The following PLCG2 variants were observed in gnomAD, a reference collection of about 807,000 sequenced individuals.
PLCG2 encodes 1-phosphatidylinositol 4,5-bisphosphate phosphodiesterase gamma-2.
In PLCG2, 69 loss-of-function variants were observed where a neutral mutation model predicts 175.6. The ratio of observed to expected loss-of-function variants is 0.39; its 90% CI spans 0.32 to 0.48. The LOEUF (loss-of-function observed/expected upper bound fraction) is 0.48, where lower values mean the gene tolerates loss of function less well. PLCG2 is among the 20% of genes least tolerant of loss of function. The probability of loss-of-function intolerance (pLI) is 0.91; values close to 1 mark genes in which losing one functional copy is unlikely to be tolerated. For synonymous variants in PLCG2, 827 were observed against 624.0 expected (o/e 1.33, Z -4.85); for missense variants, 1,798 against 1,650.9 (o/e 1.09, Z -1.54).
At chr16:81,875,588 C>G (rs538392988) in intron 7 of PLCG2, among the ~76,000 whole-genome samples, 1 of 152,310 alleles carries the variant, frequency 6.6e-6, no homozygotes, top group East Asian at 1.9e-4. Context: ...TGCCCTCACC[C>G]AAGTCCCTTT....
At chr16:81,749,809 A>G (rs1208407224) in intron 1 of PLCG2, among the ~76,000 whole-genome samples, 1 of 152,218 alleles carries the variant, frequency 6.6e-6, no homozygotes, top group Admixed American at 6.5e-5. Flanking sequence ...TACTCACCCC[A>G]CTGTTCAAGG....
At chr16:81,786,713 C>T (rs1007775638) in intron 2 of PLCG2, among the ~76,000 whole-genome samples, 1 of 152,214 alleles carries the variant, frequency 6.6e-6, no homozygotes, top group African/African-American at 2.4e-5. Flanking sequence ...TCCCCTACCT[C>T]CGTTTGATTG....
chr16:81,895,557 C>CT lies in PLCG2; in HGVS notation c.1073-248dup, dbSNP rs1371543078. ...CCTGGGCAACAGAGCGAGACTCTGTCTTAAAAAAAAAAAAAATGAAAAAAA... is the reference window on the plus strand; with the variant it reads ...CCTGGGCAACAGAGCGAGACTCTGTCTTTAAAAAAAAAAAAAATGAAAAAAA... On this transcript the variant is annotated intron_variant, in intron 12 of 32. Coordinates refer to ENST00000564138, the MANE Select transcript of PLCG2 (RefSeq NM_002661.5). 1.6e-4 allele frequency: 66 copies of CT among 423,268 alleles called. No individual in the cohort carries two copies. In the South Asian group the frequency reaches 2.0e-3, roughly 13 times the overall value. 26.2% of individuals were successfully genotyped at this position (423,268 alleles called of 1,614,324 possible). A position where few individuals can be genotyped will look rare whatever the true frequency, so the allele number is the denominator to read the frequency against.
chr16:81,925,915 TATC>T (rs1165527090), intron 22 of PLCG2, among the ~76,000 whole-genome samples: 1 of 148,132 alleles, frequency 6.8e-6, no homozygotes, highest in Admixed American at 6.7e-5. Context: ...TCCAGAAGGA[TATC>T]ATATAGAGGG....
rs185169536 is a variant in PLCG2 at position 81,802,261 on chromosome 16, C to T, written c.193+16079C>T. Among the ~76,000 whole-genome samples, 1,115 of 151,298 alleles carry T rather than the reference C, an allele frequency of 7.4e-3. 9 individuals are homozygous for T. Among genetic ancestry groups the T allele is most frequent in the Non-Finnish European group, 9.9e-3 (672 of 67,802 alleles). ...CACAGTAGTTGGGATTACAGGCGCC[C>T]GCCACCGCGCCCAGCTAATTTTTTG... On this transcript the variant is annotated intron_variant, in intron 2 of 32. Coordinates refer to ENST00000564138, the MANE Select transcript of PLCG2 (RefSeq NM_002661.5).
At chr16:81,956,600 T>C in intron 31 of PLCG2, 95 bp from the exon 32 acceptor site, 6 of 1,106,294 alleles carry the variant, frequency 5.4e-6, no homozygotes, top group Non-Finnish European at 7.8e-6. Flanking sequence ...TTCTGCCCCA[T>C]GCTCCCTTTG....
rs1911693194 is a variant in PLCG2, at chr16:81,959,272, G to A, written c.*1274G>A. Reference sequence around the variant, plus strand: ...TTGATGTGGATGGAACTGGCCCCTAGAAACCCATCTGACCCTCCTCTTGTT... The same window carrying A: ...TTGATGTGGATGGAACTGGCCCCTAAAAACCCATCTGACCCTCCTCTTGTT... On this transcript the variant is annotated 3_prime_UTR_variant, in exon 33 of 33. Transcript: ENST00000564138. The A allele has an allele frequency of 3.6e-5, 8 of 223,736 alleles. No homozygotes were observed. The East Asian group carries it at 4.5e-4, about 13-fold the overall frequency. The allele number at this position is 223,736 out of a possible 1,614,324, so 13.9% of individuals were successfully genotyped here.
At chr16:81,768,817 T>G (rs1910211283) in intron 2 of PLCG2, among the ~76,000 whole-genome samples, 1 of 152,140 alleles carries the variant, frequency 6.6e-6, no homozygotes, top group African/African-American at 2.4e-5. Context: ...TTCATGCACC[T>G]CGGCCTCCCA....
chr16:81,777,831 C>T (rs564089959), upstream of PLCG2, among the ~76,000 whole-genome samples: 1 of 151,688 alleles, frequency 6.6e-6, no homozygotes, highest in South Asian at 2.1e-4. Context: ...ATCTGGCCAA[C>T]ATAGTGAAAC....
intron 7 of PLCG2, 71 bp downstream of exon 7, chr16:81,871,006 C>T (rs749044588): frequency 1.3e-6 from 1 of 781,610 alleles, no homozygotes; most frequent in Middle Eastern, 2.3e-4. Context: ...CTGGCATGTT[C>T]CTAAGAAACC....
chr16:81,753,544 T>G (rs1418248457), intron 1 of PLCG2, among the ~76,000 whole-genome samples: 2 of 151,902 alleles, frequency 1.3e-5, no homozygotes, highest in Non-Finnish European at 1.5e-5. Context: ...TCAGCCTCAT[T>G]AGTAGCTGGG....
intron 2 of PLCG2, among the ~76,000 whole-genome samples, chr16:81,847,637 G>A (rs534467405): frequency 8.5e-5 from 13 of 152,112 alleles, no homozygotes; most frequent in East Asian, 3.8e-4. Flanking sequence ...TGGATTCTGC[G>A]TCTGCGGATT....
At chr16:81,748,401 AT>A (rs1004004903) in intron 1 of PLCG2, among the ~76,000 whole-genome samples, 17 of 151,636 alleles carry the variant, frequency 1.1e-4, no homozygotes, top group African/African-American at 4.1e-4. Flanking sequence ...AACTTAAAAA[AT>A]TAAAAAAAAA....
chr16:81,791,980 C>G (rs1402963750), intron 2 of PLCG2, among the ~76,000 whole-genome samples: 2 of 152,178 alleles, frequency 1.3e-5, no homozygotes, highest in Non-Finnish European at 2.9e-5. Context: ...ATCACTTGCA[C>G]CAACTCAGAT....
Position 81,961,300 on chromosome 16 carries a change from G to A in PLCG2, c.*3302G>A, listed in dbSNP as rs1347455908. 4.4e-6 allele frequency: 1 copy of A among 225,156 alleles called. No homozygotes were observed. Among genetic ancestry groups the A allele is most frequent in the African/African-American group, 2.2e-5 (1 of 44,882 alleles). 13.9% of individuals were successfully genotyped at this position (225,156 alleles called of 1,614,324 possible). On this transcript the variant is annotated 3_prime_UTR_variant, in exon 33 of 33. Coordinates refer to ENST00000564138, the MANE Select transcript of PLCG2 (RefSeq NM_002661.5). Reference sequence around the variant, plus strand: ...AAAATAGAATTGATGATGAACTTTGGCTCAATCTTAAGATGTTATCAATCT... The same window carrying A: ...AAAATAGAATTGATGATGAACTTTGACTCAATCTTAAGATGTTATCAATCT...
intron 8 of PLCG2, among the ~76,000 whole-genome samples, chr16:81,882,764 ATTCTGGCTCACCCCACCTCG>A (rs1411630727): frequency 1.3e-5 from 2 of 150,656 alleles, no homozygotes; most frequent in Admixed American, 6.6e-5. Context: ...ACCCCACCTC[ATTCTGGCTCACCCCACCTCG>A]TTCTGGCTCA....
intron 24 of PLCG2, among the ~76,000 whole-genome samples, chr16:81,929,608 C>T (rs1353587104): frequency 2.0e-5 from 3 of 152,214 alleles, no homozygotes; most frequent in Non-Finnish European, 4.4e-5. Context: ...GTGGGCCAGG[C>T]TGGTCTCAAA....
At chr16:81,854,973 C>A (rs7186146) in intron 3 of PLCG2, among the ~76,000 whole-genome samples, 1 of 151,688 alleles carries the variant, frequency 6.6e-6, no homozygotes, top group South Asian at 2.1e-4. Flanking sequence ...ACTTTGGGAG[C>A]CTGAGGCGGG....
intron 31 of PLCG2, among the ~76,000 whole-genome samples, chr16:81,946,502 G>C (rs1301387980): frequency 2.0e-5 from 3 of 152,106 alleles, no homozygotes; most frequent in Non-Finnish European, 2.9e-5. Flanking sequence ...GTGTAGGAAA[G>C]GGTGCCGGTA....
Sources: allele counts gnomAD v4.1 joint callset (sites outside exome capture counted in the v4.1 genomes callset), GRCh38; gene constraint gnomAD v4.1.1; transcripts MANE v1.5; gene names NCBI Gene and HGNC (gene_info 2026-07-23, HGNC 2026-07-21).